The following FAT3 variants were observed in gnomAD, a reference collection of about 807,000 sequenced individuals.
FAT3 encodes protocadherin Fat 3.
In FAT3, 95 loss-of-function variants were observed where a neutral mutation model predicts 310.2. That is an observed-to-expected ratio of 0.31 (90% CI 0.26 to 0.36). The LOEUF (loss-of-function observed/expected upper bound fraction) is 0.36. Among genes scored for constraint, FAT3 ranks in the 10% least tolerant of loss-of-function variants. The pLI is 1.00. For missense variants in FAT3, 5,408 were observed against 5,715.6 expected (o/e 0.95, Z 1.74); for synonymous variants, 2,314 against 2,192.9 (o/e 1.06, Z -1.54).
In FAT3 at chr11:92,790,205, T is replaced by C. The variant is rs202189411; in HGVS notation, c.4598T>C (p.Ile1533Thr). The C allele has an allele frequency of 3.0e-4, 479 of 1,613,460 alleles. 6 individuals carry two copies. The Admixed American group carries it at 7.8e-3, about 26-fold the overall frequency. The change falls in exon 8 of 28, where the codon ATT becomes ACT. Residue 1533 changes from isoleucine (I) to threonine (T), a missense_variant. Ile to Thr is a moderately conservative substitution (Grantham distance 89). This residue lies in a region of FAT3 where 4,588 missense variants were observed against 4,809.8 expected (regional missense o/e 0.95). Transcript: ENST00000525166. ...RLDHEAQDKH[I>T]LNIMVRDQEF... is the part of the protein sequence containing the mutation. ...GACCATGAGGCCCAGGACAAGCACA[T>C]TCTCAACATAATGGTAGGACCAAAA...
At chr11:92,743,556 T>G (rs986852189) in intron 4 of FAT3, among the ~76,000 whole-genome samples, 4 of 152,224 alleles carry the variant, frequency 2.6e-5, no homozygotes, top group Non-Finnish European at 5.9e-5. Flanking sequence ...CAGGGACACC[T>G]GGCCAAATGG....
chr11:92,703,042 A>G (rs1295400933), intron 4 of FAT3, among the ~76,000 whole-genome samples: 1 of 152,218 alleles, frequency 6.6e-6, no homozygotes, highest in Non-Finnish European at 1.5e-5. Context: ...ATAGGAATGT[A>G]TATTATTTAG....
At chr11:92,661,532 A>G (rs746980509) in intron 3 of FAT3, among the ~76,000 whole-genome samples, 1 of 151,978 alleles carries the variant, frequency 6.6e-6, no homozygotes, top group Non-Finnish European at 1.5e-5. Context: ...GGTGTAACGG[A>G]TGGGCATTAA....
chr11:92,873,074 G>A (rs1851363890), intron 22 of FAT3, among the ~76,000 whole-genome samples: 1 of 152,120 alleles, frequency 6.6e-6, no homozygotes, highest in Non-Finnish European at 1.5e-5. Context: ...CTGATTTCAG[G>A]ATCTATAGTA....
intron 3 of FAT3, among the ~76,000 whole-genome samples, chr11:92,553,675 C>CCCTTCCTTCCTTCCTTCTTTCCTT (rs1954899010): frequency 9.2e-6 from 1 of 108,258 alleles, no homozygotes; most frequent in Non-Finnish European, 2.1e-5. Flanking sequence ...GAATCTCCGT[C>CCCTTCCTTCCTTCCTTCTTTCCTT]CCTTCCTTCC....
At chr11:92,587,844 A>G (rs1485964151) in intron 3 of FAT3, among the ~76,000 whole-genome samples, 14 of 151,966 alleles carry the variant, frequency 9.2e-5, no homozygotes. Flanking sequence ...CAAAAATTGG[A>G]GGCAAAATTT....
At chr11:92,594,812 T>G (rs946852305) in intron 3 of FAT3, among the ~76,000 whole-genome samples, 6 of 152,172 alleles carry the variant, frequency 3.9e-5, no homozygotes, top group African/African-American at 1.4e-4. Context: ...TGATATTTGC[T>G]GCCAAAATCC....
chr11:92,353,865 G>T lies in FAT3; in HGVS notation c.1753G>T (p.Gly585Ter), dbSNP rs1472290426. Residue 585 changes from glycine (G) to a stop codon, truncating the protein, a stop_gained, in exon 2 of 28, where the codon GGA (glycine) becomes TGA (stop). Coordinates refer to ENST00000525166, the MANE Select transcript of FAT3 (RefSeq NM_001367949.2). LOFTEE classifies it high-confidence loss of function. ...TCTCTTTGAAAAAGTGGCTTGCCAG[G>T]GAGTTATTTCATATGACTTTCCAGT... Reference protein sequence around the residue: ...SPLFEKVACQGVISYDFPVGG... With the variant: ...SPLFEKVACQ 1 of 1,613,574 alleles carries T rather than the reference G, an allele frequency of 6.2e-7. No individual in the cohort carries two copies. The highest frequency in any genetic ancestry group is 8.5e-7 in the Non-Finnish European group (1 of 1,179,732).
At chr11:92,840,883 C>G (rs1391369456) in intron 18 of FAT3, 124 bp downstream of exon 18, 1 of 912,582 alleles carries the variant, frequency 1.1e-6, no homozygotes, top group Non-Finnish European at 1.5e-6. Context: ...CGGGAATGTT[C>G]CCCCTTTTAA....
At chr11:92,889,705 T>TA in intron 26 of FAT3, 151 bp from the exon 27 acceptor site, 1 of 617,104 alleles carries the variant, frequency 1.6e-6, no homozygotes, top group Non-Finnish European at 3.0e-6. Flanking sequence ...TTTCCCTAAA[T>TA]AACAATGGGA....
At chr11:92,445,907 C>T (rs1467085839) in intron 2 of FAT3, among the ~76,000 whole-genome samples, 2 of 152,076 alleles carry the variant, frequency 1.3e-5, no homozygotes, top group Non-Finnish European at 2.9e-5. Flanking sequence ...CTCAGGTTAA[C>T]CAGTATTTTC....
chr11:92,847,003 A>G (rs1948698404), intron 19 of FAT3, among the ~76,000 whole-genome samples: 1 of 152,224 alleles, frequency 6.6e-6, no homozygotes, highest in African/African-American at 2.4e-5. Flanking sequence ...GCCCAGGGCC[A>G]TACAGCTGAT....
In FAT3 at chr11:92,890,769, A is replaced by G. The variant is rs1280770543; in HGVS notation, c.13426A>G (p.Ser4476Gly). 6.2e-7 allele frequency: 1 copy of G among 1,613,786 alleles called. No homozygotes were observed. Among genetic ancestry groups the G allele is most frequent in the South Asian group, 1.1e-5 (1 of 91,054 alleles). ...LPPSQPVSLASTLSPDCRRRP... is the reference protein window; with the variant it reads ...LPPSQPVSLAGTLSPDCRRRP... The stretch of plus-strand genomic sequence containing the variant: ...ACCCTCCCAGCCTGTCTCCCTGGCC[A>G]GCACACTGAGCCCAGACTGCAGGAG... Residue 4476 changes from serine to glycine, a missense_variant, in exon 28 of 28, where the codon AGC (serine) becomes GGC (glycine). Physicochemically the swap from Ser to Gly is moderately conservative, Grantham distance 56 (BLOSUM62 0). Around this residue, in one of 5 missense-constraint regions of FAT3, gnomAD observed 649 missense variants for 666.2 expected, o/e 0.97. Coordinates refer to ENST00000525166, the MANE Select transcript of FAT3 (RefSeq NM_001367949.2).
chr11:92,637,244 T>C (rs1156826262), intron 3 of FAT3, among the ~76,000 whole-genome samples: 1 of 152,132 alleles, frequency 6.6e-6, no homozygotes, highest in East Asian at 1.9e-4. Flanking sequence ...CCATTGAGTA[T>C]TGGTTAGAGA....
intron 2 of FAT3, among the ~76,000 whole-genome samples, chr11:92,367,708 C>CATA (rs1207699789): frequency 2.6e-4 from 40 of 152,288 alleles, no homozygotes; most frequent in African/African-American, 9.1e-4. Flanking sequence ...TGTGGTACAA[C>CATA]ATAAATGAGT....
At chr11:92,746,636 A>C (rs1258388999) in intron 4 of FAT3, among the ~76,000 whole-genome samples, 1 of 152,192 alleles carries the variant, frequency 6.6e-6, no homozygotes, top group Non-Finnish European at 1.5e-5. Flanking sequence ...CACAGTCCAA[A>C]GTCTCATCTG....
chr11:92,885,760 TG>T (rs1278781569), intron 24 of FAT3, among the ~76,000 whole-genome samples: 1 of 152,202 alleles, frequency 6.6e-6, no homozygotes, highest in Non-Finnish European at 1.5e-5. Flanking sequence ...GTGGATTATT[TG>T]TCATTTCCTT....
rs141753017 is a variant in FAT3, at chr11:92,445,173, C to T, written c.3293-79461C>T. 4.6e-3 allele frequency among the ~76,000 whole-genome samples: 708 copies of T among 152,318 alleles called. 4 individuals are homozygous for T. Among genetic ancestry groups the T allele is most frequent in the African/African-American group, 0.016 (657 of 41,582 alleles). On this transcript the variant is annotated intron_variant, in intron 2 of 27. Coordinates refer to ENST00000525166, the MANE Select transcript of FAT3 (RefSeq NM_001367949.2). Reference sequence around the variant, plus strand: ...AAAATAAAATACGTTATTTAAGAAACTCAGTCTATGGTACTTTGTTATGGC... The same window carrying T: ...AAAATAAAATACGTTATTTAAGAAATTCAGTCTATGGTACTTTGTTATGGC...
intron 2 of FAT3, among the ~76,000 whole-genome samples, chr11:92,402,384 G>A (rs1340592944): frequency 6.6e-6 from 1 of 152,088 alleles, no homozygotes; most frequent in Non-Finnish European, 1.5e-5. Flanking sequence ...TTCAGGGTGA[G>A]TCTTTGTTTA....
Sources: gnomAD v4.1 joint callset for allele counts (sites outside exome capture counted in the v4.1 genomes callset) on GRCh38, gnomAD v4.1.1 for gene constraint, gnomAD v4.1.1 regional missense constraint, MANE v1.5 for transcripts, NCBI Gene and HGNC (gene_info 2026-07-23, HGNC 2026-07-21) for gene names.